Variants in DUSP16 observed in about 807,000 individuals in gnomAD.
DUSP16 encodes the protein dual specificity phosphatase 16.
Under a neutral mutation model 58.3 loss-of-function variants are expected in DUSP16, and 21 were observed. The observed-to-expected ratio is 0.36, with a 90% CI of 0.26 to 0.52. The LOEUF is 0.52. Among genes scored for constraint, DUSP16 ranks in the 20% least tolerant of loss-of-function variants. DUSP16 has a pLI of 0.94. For missense variants in DUSP16, 726 were observed against 819.0 expected (o/e 0.89, Z 1.39); for synonymous variants, 320 against 323.8 (o/e 0.99, Z 0.12).
chr12:12,533,273 C>T (rs1489102842), intron 1 of DUSP16, among the ~76,000 whole-genome samples: 1 of 152,130 alleles, frequency 6.6e-6, no homozygotes, highest in East Asian at 1.9e-4. Flanking sequence ...CCAAAATAAA[C>T]CTGTTTAAAG....
chr12:12,493,943 C>G (rs1943795175), intron 4 of DUSP16, among the ~76,000 whole-genome samples: 1 of 152,182 alleles, frequency 6.6e-6, no homozygotes, highest in Non-Finnish European at 1.5e-5. Flanking sequence ...CTAATGAAAG[C>G]AGAGATTATT....
Position 12,519,977 on chromosome 12 carries a change from C to G in DUSP16, c.252G>C (p.Lys84Asn). Residue 84 changes from lysine (K) to asparagine (N), a missense_variant, in exon 3 of 7, where the codon AAG becomes AAC. Coordinates refer to ENST00000298573, the MANE Select transcript of DUSP16 (RefSeq NM_030640.3). ...KHKVDIDCSQ[K>N]VVVYDQSSQD... ...GGGAGCTTTGATCGTAAACTACAACCTTCTGACTGCAATCAATGTCAACCT... is the reference window on the plus strand; with the variant it reads ...GGGAGCTTTGATCGTAAACTACAACGTTCTGACTGCAATCAATGTCAACCT... 1.9e-6 allele frequency: 3 copies of G among 1,614,124 alleles called. No homozygotes were observed. Among genetic ancestry groups the G allele is most frequent in the Non-Finnish European group, 2.5e-6 (3 of 1,179,990 alleles).
chr12:12,495,305 T>G (rs1248131469), intron 4 of DUSP16, among the ~76,000 whole-genome samples: 1 of 151,412 alleles, frequency 6.6e-6, no homozygotes, highest in Non-Finnish European at 1.5e-5. Flanking sequence ...TTCTCCTAAT[T>G]GGTGTTAAGT....
rs950652772 is a variant in DUSP16, at chr12:12,495,222, C to T, written c.531+5297G>A. 5.0e-5 allele frequency among the ~76,000 whole-genome samples: 6 copies of T among 119,936 alleles called. No individual in the cohort carries two copies. The South Asian group carries it at 1.6e-3, about 32-fold the overall frequency. 78.7% of individuals were successfully genotyped at this position (119,936 alleles called of 152,430 possible). On this transcript the variant is annotated intron_variant, in intron 4 of 6. Transcript: ENST00000298573. Reference sequence around the variant, plus strand: ...ATTGTATGGTATATGAATTATATCTCAGTAAAGCCATTACAAAAAAAAAAA... The same window carrying T: ...ATTGTATGGTATATGAATTATATCTTAGTAAAGCCATTACAAAAAAAAAAA...
At chr12:12,493,170 C>G (rs755153549) in intron 4 of DUSP16, among the ~76,000 whole-genome samples, 2 of 152,204 alleles carry the variant, frequency 1.3e-5, no homozygotes, top group African/African-American at 2.4e-5. Context: ...GGAAGTATAA[C>G]AGGCATTTCG....
chr12:12,547,405 G>A (rs1416983228), intron 1 of DUSP16, among the ~76,000 whole-genome samples: 2 of 145,966 alleles, frequency 1.4e-5, no homozygotes, highest in African/African-American at 5.2e-5. Flanking sequence ...TAGCCTGGGC[G>A]ACAGAGCGAG....
intron 1 of DUSP16, among the ~76,000 whole-genome samples, chr12:12,537,099 T>A (rs1371211077): frequency 6.6e-6 from 1 of 152,218 alleles, no homozygotes; most frequent in East Asian, 1.9e-4. Flanking sequence ...AAGGTTGACA[T>A]TTCTTCAAGG....
At chr12:12,558,604 A>G (rs1328027907) in intron 1 of DUSP16, among the ~76,000 whole-genome samples, 1 of 152,076 alleles carries the variant, frequency 6.6e-6, no homozygotes, top group East Asian at 1.9e-4. Context: ...TGTTCTCAAC[A>G]CCTGAGCTCA....
chr12:12,485,853 G>A (rs1332008602), intron 5 of DUSP16, among the ~76,000 whole-genome samples: 1 of 142,884 alleles, frequency 7.0e-6, no homozygotes, highest in Non-Finnish European at 1.5e-5. Context: ...GAGTGCAATG[G>A]TGCAATCTTG....
At chr12:12,524,003 A>T (rs1323504603) in intron 1 of DUSP16, among the ~76,000 whole-genome samples, 1 of 152,192 alleles carries the variant, frequency 6.6e-6, no homozygotes, top group African/African-American at 2.4e-5. Flanking sequence ...TAAAATCCGG[A>T]TGGGACAAAG....
At chr12:12,532,746 G>A (rs1944409140) in intron 1 of DUSP16, among the ~76,000 whole-genome samples, 2 of 152,028 alleles carry the variant, frequency 1.3e-5, no homozygotes, top group African/African-American at 2.4e-5. Flanking sequence ...TCAAGAATTC[G>A]AGAACTACTT....
At position 12,477,269 on chromosome 12, in the gene DUSP16, A is replaced by G; in HGVS notation, c.1562T>C (p.Leu521Pro). The change falls in exon 7 of 7, where the codon CTT (leucine) becomes CCT (proline). Residue 521 changes from leucine to proline, a missense_variant. Transcript: ENST00000298573. The surrounding 1 kb of genome is among the most constrained non-coding windows in gnomAD (Gnocchi z 4.1). ...DNYHTSFLFG[L>P]STSQQHLTKS... ...CGTGAGGTGCTGCTGGCTGGTGGAA[A>G]GGCCGAAAAGGAAGCTGGTGTGGTA... 24 of 1,614,238 alleles carry G rather than the reference A, an allele frequency of 1.5e-5. No individual in the cohort carries two copies. The highest frequency in any genetic ancestry group is 2.0e-5 in the Non-Finnish European group (24 of 1,180,042).
chr12:12,540,859 G>T (rs1944542199), intron 1 of DUSP16, among the ~76,000 whole-genome samples: 1 of 151,862 alleles, frequency 6.6e-6, no homozygotes, highest in African/African-American at 2.4e-5. Flanking sequence ...GTCCCTAAAG[G>T]CTGGTTGCTT....
chr12:12,508,279 G>C (rs865924951), intron 3 of DUSP16, among the ~76,000 whole-genome samples: 1 of 151,896 alleles, frequency 6.6e-6, no homozygotes, highest in East Asian at 1.9e-4. Flanking sequence ...CAATTCTTTC[G>C]GGATCAGCAG....
At chr12:12,479,226 G>A (rs1298716111) in intron 6 of DUSP16, among the ~76,000 whole-genome samples, 2 of 151,978 alleles carry the variant, frequency 1.3e-5, no homozygotes, top group Non-Finnish European at 2.9e-5. Context: ...TACTTTTCAG[G>A]TGATGGAGGA....
intron 4 of DUSP16, among the ~76,000 whole-genome samples, chr12:12,500,076 A>AC (rs1042909567): frequency 6.6e-6 from 1 of 150,778 alleles, no homozygotes; most frequent in Non-Finnish European, 1.5e-5. Flanking sequence ...ACCTTTCCCC[A>AC]CCCCCAGCCA....
chr12:12,488,631 T>C (rs1324107389), intron 4 of DUSP16, among the ~76,000 whole-genome samples: 4 of 152,222 alleles, frequency 2.6e-5, no homozygotes, highest in Admixed American at 2.6e-4. Context: ...CATTTCTTCC[T>C]TCTCTTGGAA....
Position 12,532,019 on chromosome 12 carries a change from G to T in DUSP16, c.-365-10556C>A, listed in dbSNP as rs546653605. On this transcript the variant is annotated intron_variant, in intron 1 of 6. Transcript: ENST00000298573. ...TAAAAATACAGAAAATTAGCCGGGC[G>T]CGGTGGCGGGCGCCTGTGGTCCCAG... Among the ~76,000 whole-genome samples the T allele has an allele frequency of 1.7e-3, 253 of 152,122 alleles. 2 individuals are homozygous for T. The highest frequency in any genetic ancestry group is 6.0e-3 in the African/African-American group (247 of 41,508).
In DUSP16 at chr12:12,516,892, G is replaced by C. The variant is rs1024628591; in HGVS notation, c.367+2970C>G. Among the ~76,000 whole-genome samples, 5 of 152,212 alleles carry C rather than the reference G, an allele frequency of 3.3e-5. No individual in the cohort carries two copies. In the East Asian group the frequency reaches 9.6e-4, roughly 29 times the overall value. On this transcript the variant is annotated intron_variant, in intron 3 of 6. Transcript: ENST00000298573. ...GGGAACACAAAGGTAAACAAGACCT[G>C]GTCCATATTAAAAAACTAAGCCCAC...
Sources: gnomAD v4.1 joint callset for allele counts (sites outside exome capture counted in the v4.1 genomes callset) on GRCh38, gnomAD v4.1.1 for gene constraint, Gnocchi (gnomAD v3.1) non-coding constraint, MANE v1.5 for transcripts, NCBI Gene and HGNC (gene_info 2026-07-23, HGNC 2026-07-21) for gene names.